Variants in ZPLD1 observed in about 807,000 individuals in gnomAD.
ZPLD1 encodes the protein zona pellucida like domain containing 1, also known as zona pellucida-like domain-containing protein 1.
A neutral mutation model predicts 47.2 loss-of-function variants in ZPLD1; 34 were observed. The ratio of observed to expected loss-of-function variants is 0.72; its 90% CI spans 0.55 to 0.96. The LOEUF (loss-of-function observed/expected upper bound fraction) is 0.96, where lower values mean the gene tolerates loss of function less well. Among genes scored for constraint, ZPLD1 ranks in the 40% least tolerant of loss-of-function variants. The pLI is 0.00. For synonymous variants in ZPLD1, 176 were observed against 186.2 expected (o/e 0.95, Z 0.45); for missense variants, 512 against 505.8 (o/e 1.01, Z -0.12).
At chr3:102,451,634 G>A (rs1707337651) in intron 3 of ZPLD1, among the ~76,000 whole-genome samples, 1 of 152,154 alleles carries the variant, frequency 6.6e-6, no homozygotes, top group Non-Finnish European at 1.5e-5. Flanking sequence ...CTGGATGCCA[G>A]AAGTTCAAAA....
intron 8 of ZPLD1, among the ~76,000 whole-genome samples, chr3:102,419,636 T>C (rs370660988): frequency 9.5e-6 from 1 of 105,186 alleles, no homozygotes; most frequent in Non-Finnish European, 2.4e-5. Flanking sequence ...AAACGACTGA[T>C]TTTTTTTTTT....
At chr3:102,433,616 C>T (rs1379849496), upstream of ZPLD1, among the ~76,000 whole-genome samples, 3 of 152,200 alleles carry the variant, frequency 2.0e-5, no homozygotes, top group Admixed American at 6.5e-5. Flanking sequence ...CAAGCTCCGC[C>T]TCCCGGGTTC....
At chr3:102,459,726 A>T (rs1288529121) in intron 6 of ZPLD1, among the ~76,000 whole-genome samples, 1 of 152,112 alleles carries the variant, frequency 6.6e-6, no homozygotes, top group East Asian at 1.9e-4. Flanking sequence ...AGAAAAGTTG[A>T]TTAGAAAGTA....
intron 7 of ZPLD1, among the ~76,000 whole-genome samples, chr3:102,404,537 A>G (rs1166282152): frequency 6.6e-6 from 1 of 151,970 alleles, no homozygotes; most frequent in African/African-American, 2.4e-5. Flanking sequence ...TTCGGGTGAG[A>G]GTCAGTGAAT....
chr3:102,439,671 T>G (rs867687502), intron 3 of ZPLD1, among the ~76,000 whole-genome samples: 18 of 152,334 alleles, frequency 1.2e-4, no homozygotes, highest in Middle Eastern at 3.4e-3. Flanking sequence ...TTATCAACAT[T>G]TATAAATTTT....
At chr3:102,473,344 A>G (rs2107358761) in intron 10 of ZPLD1, among the ~76,000 whole-genome samples, 1 of 152,328 alleles carries the variant, frequency 6.6e-6, no homozygotes, top group East Asian at 1.9e-4. Flanking sequence ...CATCCATCCC[A>G]CATCCAGTTG....
At chr3:102,459,191 G>T (rs1331547202) in intron 6 of ZPLD1, among the ~76,000 whole-genome samples, 1 of 149,250 alleles carries the variant, frequency 6.7e-6, no homozygotes, top group Admixed American at 6.7e-5. Context: ...GATATGGTCA[G>T]ATATTTACTA....
intron 7 of ZPLD1, among the ~76,000 whole-genome samples, chr3:102,413,412 G>A (rs1211448283): frequency 6.6e-6 from 1 of 151,654 alleles, no homozygotes; most frequent in Non-Finnish European, 1.5e-5. Context: ...TATCAATAGG[G>A]TAGTGCTTAT....
At position 102,456,183 on chromosome 3, in the gene ZPLD1, A is replaced by G; in HGVS notation, c.328-10A>G. ...ATTTAATCATTAAACTGCATCTAAC[A>G]TTCTAACAGGTATCCACAATTCCTG... is the stretch of plus-strand genomic sequence containing the variant. On this transcript the variant is annotated splice_polypyrimidine_tract_variant and intron_variant, in intron 4 of 11. Transcript: ENST00000466937. The G allele has an allele frequency of 6.2e-7, 1 of 1,607,650 alleles. No individual in the cohort carries two copies. The highest frequency in any genetic ancestry group is 8.5e-7 in the Non-Finnish European group (1 of 1,177,228).
At chr3:102,411,976 C>A (rs1427817098) in intron 7 of ZPLD1, among the ~76,000 whole-genome samples, 5 of 151,832 alleles carry the variant, frequency 3.3e-5, no homozygotes, top group Non-Finnish European at 7.4e-5. Context: ...GTAGGGCGGA[C>A]TGGCAGGCTA....
At position 102,477,550 on chromosome 3, in the gene ZPLD1, G is replaced by T; in HGVS notation, c.1180G>T (p.Ala394Ser). ...TSFSLLLCSL[A>S]LLHRKGPTSL... ...CTTTTCTCTTCTTCTGTGCTCACTG[G>T]CCCTTCTGCACAGGAAGGGACCCAC... Residue 394 changes from alanine (A) to serine (S), a missense_variant, in exon 12 of 12, where the codon GCC (alanine) becomes TCC (serine). Physicochemically the swap from Ala to Ser is moderately conservative, Grantham distance 99. Coordinates refer to ENST00000466937, the MANE Select transcript of ZPLD1 (RefSeq NM_001329788.2). The T allele has an allele frequency of 6.2e-7, 1 of 1,613,730 alleles. No homozygotes were observed. The highest frequency in any genetic ancestry group is 8.5e-7 in the Non-Finnish European group (1 of 1,179,756).
At chr3:102,406,498 A>G (rs1300180915) in intron 7 of ZPLD1, among the ~76,000 whole-genome samples, 3 of 151,948 alleles carry the variant, frequency 2.0e-5, no homozygotes, top group Non-Finnish European at 4.4e-5. Context: ...GAATTTGTCT[A>G]TACACCCTTA....
intron 10 of ZPLD1, among the ~76,000 whole-genome samples, chr3:102,476,347 T>A (rs887357276): frequency 2.6e-5 from 4 of 152,058 alleles, no homozygotes; most frequent in Non-Finnish European, 5.9e-5. Context: ...ACAACAAAAA[T>A]TGGGAAATCA....
intron 6 of ZPLD1, among the ~76,000 whole-genome samples, chr3:102,387,850 C>CTTTTTTTTT (rs1023132648): frequency 4.6e-4 from 37 of 80,634 alleles, no homozygotes; most frequent in African/African-American, 8.3e-4. Context: ...CTGAGAAATT[C>CTTTTTTTTT]TTTTTTTTTT....
chr3:102,395,199 C>G (rs954107130), intron 7 of ZPLD1, among the ~76,000 whole-genome samples: 3 of 152,072 alleles, frequency 2.0e-5, no homozygotes, highest in Non-Finnish European at 4.4e-5. Context: ...ACTCCAAAAA[C>G]GTCCATGTCC....
intron 10 of ZPLD1, among the ~76,000 whole-genome samples, chr3:102,476,102 G>T (rs1278671205): frequency 6.6e-6 from 1 of 152,142 alleles, no homozygotes; most frequent in Non-Finnish European, 1.5e-5. Flanking sequence ...TATGGCTTCT[G>T]TGAGGATGAA....
At chr3:102,420,822 A>C (rs1400110224) in intron 8 of ZPLD1, among the ~76,000 whole-genome samples, 2 of 151,968 alleles carry the variant, frequency 1.3e-5, no homozygotes, top group Admixed American at 6.6e-5. Flanking sequence ...TTGTTCTTGG[A>C]AAGTGACAAA....
At chr3:102,471,145 T>C (rs983019505) in intron 10 of ZPLD1, among the ~76,000 whole-genome samples, 6 of 152,158 alleles carry the variant, frequency 3.9e-5, no homozygotes, top group Non-Finnish European at 5.9e-5. Flanking sequence ...CGCCCATGAC[T>C]ACTAATTTGA....
Position 102,469,033 on chromosome 3 carries a change from A to G in ZPLD1, c.831A>G (p.Glu277=), listed in dbSNP as rs777470924. The part of the protein sequence containing the change: ...GRSQRGRFSF[E]VFRFVKHKNQ... The stretch of plus-strand genomic sequence containing the variant: ...GCCAGCGGGGCCGGTTTTCTTTTGA[A>G]GTGTTCCGATTTGTGAAACACAAGA... Residue 277 remains glutamate, a synonymous_variant, in exon 9 of 12, where the codon GAA becomes GAG. Coordinates refer to ENST00000466937, the MANE Select transcript of ZPLD1 (RefSeq NM_001329788.2). The G allele has an allele frequency of 1.2e-5, 20 of 1,614,164 alleles. No homozygotes were observed. The Admixed American group carries it at 2.7e-4, about 22-fold the overall frequency.
Sources: allele counts gnomAD v4.1 joint callset (sites outside exome capture counted in the v4.1 genomes callset), GRCh38; gene constraint gnomAD v4.1.1; transcripts MANE v1.5; gene names NCBI Gene and HGNC (gene_info 2026-07-23, HGNC 2026-07-21).